Variants in MMP16 observed in about 807,000 individuals in gnomAD.
The protein encoded by MMP16 is matrix metallopeptidase 16.
A neutral mutation model predicts 67.8 loss-of-function variants in MMP16; 12 were observed. That is an observed-to-expected ratio of 0.18 (90% CI 0.11 to 0.29). MMP16 has a LOEUF of 0.29. Among genes scored for constraint, MMP16 ranks in the 10% least tolerant of loss-of-function variants. The probability of loss-of-function intolerance (pLI) is 1.00; values close to 1 mark genes in which losing one functional copy is unlikely to be tolerated. For missense variants in MMP16, 475 were observed against 765.7 expected (o/e 0.62, Z 4.48); for synonymous variants, 249 against 255.9 (o/e 0.97, Z 0.26).
chr8:88,149,550 A>T (rs1808362884), intron 4 of MMP16, among the ~76,000 whole-genome samples: 1 of 151,940 alleles, frequency 6.6e-6, no homozygotes, highest in Non-Finnish European at 1.5e-5. Context: ...TGGGTCCCTG[A>T]CCCCTGACCC....
At position 88,049,739 on chromosome 8, in the gene MMP16, TAG is replaced by T. The variant is rs567032572; in HGVS notation, c.1374-2957_1374-2956del. Among the ~76,000 whole-genome samples, 289 of 152,306 alleles carry T rather than the reference TAG, an allele frequency of 1.9e-3. 1 individual carries two copies. Among genetic ancestry groups the T allele is most frequent in the Admixed American group, 3.1e-3 (48 of 15,308 alleles). ...TTAAATTCTAACTTAAAATTTGGAC[TAG>T]GGCCAGGTGTGGTGACTCACACCTG... On this transcript the variant is annotated intron_variant, in intron 8 of 9. Coordinates refer to ENST00000286614, the MANE Select transcript of MMP16 (RefSeq NM_005941.5).
At chr8:88,256,506 A>G (rs1255115434) in intron 1 of MMP16, among the ~76,000 whole-genome samples, 2 of 152,180 alleles carry the variant, frequency 1.3e-5, no homozygotes, top group Non-Finnish European at 1.5e-5. Context: ...ATCTCAGAAG[A>G]AAAGCCCAAG....
chr8:88,317,600 C>G (rs1811393436), intron 1 of MMP16, among the ~76,000 whole-genome samples: 1 of 152,092 alleles, frequency 6.6e-6, no homozygotes, highest in Non-Finnish European at 1.5e-5. Flanking sequence ...AGCAATATCT[C>G]TGAGGTATGT....
At chr8:88,137,261 A>G (rs980596685) in intron 4 of MMP16, among the ~76,000 whole-genome samples, 3 of 151,804 alleles carry the variant, frequency 2.0e-5, no homozygotes, top group Non-Finnish European at 2.9e-5. Flanking sequence ...GTTTACATTT[A>G]GGACTGTAAA....
At chr8:88,096,722 A>T (rs1341026085) in intron 6 of MMP16, among the ~76,000 whole-genome samples, 1 of 151,900 alleles carries the variant, frequency 6.6e-6, no homozygotes, top group Admixed American at 6.6e-5. Flanking sequence ...GGAATTTGTT[A>T]AATATGCAAC....
chr8:88,232,493 C>T (rs781080766), intron 1 of MMP16, among the ~76,000 whole-genome samples: 37 of 152,130 alleles, frequency 2.4e-4, no homozygotes, highest in Non-Finnish European at 5.1e-4. Context: ...CCTGATGTCA[C>T]ATAGCCACAT....
intron 1 of MMP16, among the ~76,000 whole-genome samples, chr8:88,315,752 G>C (rs1438603488): frequency 2.0e-5 from 3 of 152,140 alleles, no homozygotes; most frequent in African/African-American, 7.2e-5. Context: ...TTAAGTGAAA[G>C]GAAGAGTCAT....
intron 1 of MMP16, among the ~76,000 whole-genome samples, chr8:88,309,849 G>A (rs1324284030): frequency 6.6e-6 from 1 of 151,966 alleles, no homozygotes; most frequent in Non-Finnish European, 1.5e-5. Flanking sequence ...TCATTATTGT[G>A]ACTGTTAAAA....
intron 1 of MMP16, among the ~76,000 whole-genome samples, chr8:88,223,526 G>A (rs1025949734): frequency 7.2e-5 from 11 of 151,948 alleles, no homozygotes; most frequent in Non-Finnish European, 5.9e-5. Context: ...AAAAGGATGA[G>A]TTCATGTCCT....
chr8:88,186,225 C>T (rs931820393), intron 3 of MMP16: 12 of 338,928 alleles, frequency 3.5e-5, no homozygotes, highest in Non-Finnish European at 6.3e-5. Flanking sequence ...TCTTAAAGTC[C>T]CTCATAATAT....
chr8:88,048,114 G>C (rs1808222166), intron 8 of MMP16, among the ~76,000 whole-genome samples: 1 of 152,204 alleles, frequency 6.6e-6, no homozygotes, highest in Admixed American at 6.5e-5. Flanking sequence ...AGCTGAGAAG[G>C]ATTGAGGAAC....
intron 3 of MMP16, among the ~76,000 whole-genome samples, chr8:88,179,827 T>C (rs1171129552): frequency 2.6e-5 from 4 of 152,034 alleles, no homozygotes; most frequent in Non-Finnish European, 4.4e-5. Flanking sequence ...AGGAGGACAA[T>C]TGACAGGCTA....
At chr8:88,123,644 C>T (rs1807878411) in intron 4 of MMP16, among the ~76,000 whole-genome samples, 1 of 151,826 alleles carries the variant, frequency 6.6e-6, no homozygotes, top group African/African-American at 2.4e-5. Flanking sequence ...ATGACCTAAA[C>T]ATCATTACTC....
intron 1 of MMP16, among the ~76,000 whole-genome samples, chr8:88,207,243 T>C (rs1025778500): frequency 1.3e-5 from 2 of 152,112 alleles, no homozygotes; most frequent in Non-Finnish European, 2.9e-5. Flanking sequence ...GAAATGTAAA[T>C]AAACACAAAG....
chr8:88,254,850 A>G (rs1810277515), intron 1 of MMP16, among the ~76,000 whole-genome samples: 1 of 152,178 alleles, frequency 6.6e-6, no homozygotes, highest in Non-Finnish European at 1.5e-5. Context: ...TATGTTACTT[A>G]ACAATAGTGC....
intron 1 of MMP16, among the ~76,000 whole-genome samples, chr8:88,290,351 G>A (rs1040680763): frequency 1.3e-5 from 2 of 151,994 alleles, no homozygotes; most frequent in Non-Finnish European, 2.9e-5. Context: ...AGGAGGTCGA[G>A]GCCATCCTGG....
chr8:88,065,686 G>A (rs28991890), intron 7 of MMP16, among the ~76,000 whole-genome samples: 2,132 of 151,752 alleles, frequency 0.014, 32 homozygotes, highest in South Asian at 0.048. Context: ...TTTCTTTTAC[G>A]TTACCTATTT....
At chr8:88,042,787 T>C (rs530849456) in intron 9 of MMP16, among the ~76,000 whole-genome samples, 2 of 152,314 alleles carry the variant, frequency 1.3e-5, no homozygotes, top group South Asian at 4.1e-4. Context: ...TGGACATTTT[T>C]CTTAGGTCTA....
chr8:88,104,439 A>G (rs1057051985), intron 6 of MMP16, among the ~76,000 whole-genome samples: 1 of 151,650 alleles, frequency 6.6e-6, no homozygotes, highest in Non-Finnish European at 1.5e-5. Context: ...CCTACAAGAC[A>G]GGTGGTTATA....
Sources: gnomAD v4.1 joint callset for allele counts (sites outside exome capture counted in the v4.1 genomes callset) on GRCh38, gnomAD v4.1.1 for gene constraint, MANE v1.5 for transcripts, NCBI Gene and HGNC (gene_info 2026-07-23, HGNC 2026-07-21) for gene names.